NAV3: variants seen among roughly 807,000 people sequenced by gnomAD.
The protein encoded by NAV3 is pore membrane and/or filament interacting like protein 1.
NAV3 carries 87 observed loss-of-function variants against 244.7 expected under a neutral mutation model. The observed-to-expected ratio is 0.36, with a 90% CI of 0.30 to 0.42. NAV3 has a LOEUF of 0.42. Among genes scored for constraint, NAV3 ranks in the 20% least tolerant of loss-of-function variants. The pLI is 1.00. For missense variants in NAV3, 2,663 were observed against 2,893.3 expected (o/e 0.92, Z 1.83); for synonymous variants, 1,126 against 1,042.2 (o/e 1.08, Z -1.55).
At chr12:77,874,876 T>A (rs962364469) in intron 1 of NAV3, among the ~76,000 whole-genome samples, 1 of 151,742 alleles carries the variant, frequency 6.6e-6, no homozygotes, top group Non-Finnish European at 1.5e-5. Flanking sequence ...GTATTTTTTT[T>A]ATAGATTTGT....
rs1025018478 is a variant in NAV3, at chr12:78,190,087, A to G, written c.6159A>G (p.Ile2053Met). The change falls in exon 34 of 40, where the codon ATA (isoleucine) becomes ATG (methionine). Residue 2053 changes from isoleucine (I) to methionine (M), a missense_variant. Ile to Met is a conservative substitution (Grantham distance 10). Transcript: ENST00000397909. ...TGTTGATGGAGCATCACAGAATTAT[A>G]CTCTCAGGACCGAGTGGTACTGGAA... ...FNLLMEHHRI[I>M]LSGPSGTGKT... 4 of 1,612,980 alleles carry G rather than the reference A, an allele frequency of 2.5e-6. No homozygotes were observed. The African/African-American group carries it at 4.0e-5, about 16-fold the overall frequency.
At position 78,096,617 on chromosome 12, in the gene NAV3, C is replaced by G. The variant is rs149133708; in HGVS notation, c.2637-20155C>G. 5.3e-3 allele frequency among the ~76,000 whole-genome samples: 807 copies of G among 152,218 alleles called. 3 individuals carry two copies. Among genetic ancestry groups the G allele is most frequent in the African/African-American group, 0.018 (755 of 41,550 alleles). The stretch of plus-strand genomic sequence containing the variant: ...AGAGAGCATGTGCAGGGGAACTGCT[C>G]TCCATAAAACCATCAGATCTTGTGA... On this transcript the variant is annotated intron_variant, in intron 12 of 39. Coordinates refer to ENST00000397909, the MANE Select transcript of NAV3 (RefSeq NM_001024383.2).
At chr12:77,752,917 T>C (rs913185780) in intron 2 of NAV3, among the ~76,000 whole-genome samples, 2 of 152,194 alleles carry the variant, frequency 1.3e-5, no homozygotes, top group African/African-American at 4.8e-5. Flanking sequence ...GAGCAGGCTT[T>C]GGGCATTCTG....
intron 24 of NAV3, among the ~76,000 whole-genome samples, chr12:78,171,572 G>T (rs972829229): frequency 6.6e-6 from 1 of 151,360 alleles, no homozygotes; most frequent in African/African-American, 2.4e-5. Flanking sequence ...AATATATATA[G>T]GATAGTTAGA....
intron 5 of NAV3, among the ~76,000 whole-genome samples, chr12:77,991,370 A>G (rs1871414395): frequency 1.3e-5 from 2 of 152,152 alleles, no homozygotes; most frequent in Admixed American, 6.5e-5. Flanking sequence ...TCCAATATCT[A>G]TGATAGTATT....
At chr12:77,694,037 C>T (rs1424966697) in intron 2 of NAV3, among the ~76,000 whole-genome samples, 1 of 152,038 alleles carries the variant, frequency 6.6e-6, no homozygotes, top group African/African-American at 2.4e-5. Context: ...ATCCCCTATT[C>T]CATCCTTAAT....
At chr12:78,166,321 A>T (rs555937851) in intron 23 of NAV3, among the ~76,000 whole-genome samples, 1 of 151,840 alleles carries the variant, frequency 6.6e-6, no homozygotes, top group African/African-American at 2.4e-5. Flanking sequence ...AGCAGATCTC[A>T]TTAACTGAAA....
intron 1 of NAV3, among the ~76,000 whole-genome samples, chr12:77,862,926 A>G (rs1400563832): frequency 6.6e-6 from 1 of 150,794 alleles, no homozygotes; most frequent in Non-Finnish European, 1.5e-5. Context: ...TTTTTCACTC[A>G]TCTTGAAAAA....
chr12:77,665,864 C>T (rs1227245894), intron 2 of NAV3, among the ~76,000 whole-genome samples: 1 of 152,120 alleles, frequency 6.6e-6, no homozygotes, highest in Non-Finnish European at 1.5e-5. Flanking sequence ...CCTGGAATCA[C>T]AAAAGAAATG....
At chr12:77,758,452 A>G (rs192060568) in intron 2 of NAV3, among the ~76,000 whole-genome samples, 2 of 152,364 alleles carry the variant, frequency 1.3e-5, no homozygotes, top group Admixed American at 1.3e-4. Context: ...AAGAAAATCA[A>G]CAACATGTTT....
chr12:77,981,943 A>T (rs574075741), intron 5 of NAV3, among the ~76,000 whole-genome samples: 1 of 152,110 alleles, frequency 6.6e-6, no homozygotes, highest in African/African-American at 2.4e-5. Context: ...TGTTTATGTG[A>T]CTCCAAGACT....
At chr12:77,871,829 T>C (rs12306419) in intron 1 of NAV3, among the ~76,000 whole-genome samples, 34,287 of 151,982 alleles carry the variant, frequency 0.23, 4,488 homozygotes, top group South Asian at 0.35. Flanking sequence ...GGTCAAATGG[T>C]ATTTCTGGTT....
chr12:77,855,019 C>T (rs1474162744), intron 1 of NAV3, among the ~76,000 whole-genome samples: 1 of 151,998 alleles, frequency 6.6e-6, no homozygotes, highest in Non-Finnish European at 1.5e-5. Context: ...CCCAGCTACT[C>T]GGGAGGCTGA....
chr12:78,071,058 G>T (rs1225577404), intron 12 of NAV3, among the ~76,000 whole-genome samples: 4 of 151,528 alleles, frequency 2.6e-5, no homozygotes, highest in Admixed American at 2.0e-4. Context: ...AGTCCTTTGG[G>T]TATATACCCA....
chr12:77,814,661 G>A lies in NAV3; in HGVS notation c.73-125658G>A, dbSNP rs144416558. Among the ~76,000 whole-genome samples the A allele has an allele frequency of 1.1e-4, 16 of 152,218 alleles. No homozygotes were observed. In the East Asian group the frequency reaches 1.9e-3, roughly 18 times the overall value. ...GCCTTAATAGCACAGGCCTACTTTC[G>A]TCCTTAATTAGACTGAAATTGCCCA... On this transcript the variant is annotated intron_variant, in intron 2 of 8. Transcript: ENST00000550042.
intron 35 of NAV3, among the ~76,000 whole-genome samples, 160 bp from the exon 36 acceptor site, chr12:78,198,445 C>T (rs1594017652): frequency 1.3e-5 from 2 of 151,842 alleles, no homozygotes; most frequent in South Asian, 2.1e-4. Context: ...AATTTCTAGT[C>T]CAGTGATCTT....
At chr12:77,874,970 A>T (rs186367215) in intron 1 of NAV3, among the ~76,000 whole-genome samples, 2 of 152,286 alleles carry the variant, frequency 1.3e-5, no homozygotes, top group Non-Finnish European at 2.9e-5. Context: ...ACTAATCTAT[A>T]TTTCATTGTA....
intron 2 of NAV3, among the ~76,000 whole-genome samples, chr12:77,786,025 C>A (rs1205246322): frequency 1.3e-5 from 2 of 151,716 alleles, no homozygotes; most frequent in Non-Finnish European, 2.9e-5. Context: ...AGAATTTTGG[C>A]TTGGGGTTTG....
intron 12 of NAV3, among the ~76,000 whole-genome samples, chr12:78,102,149 T>C (rs1343762065): frequency 1.3e-5 from 2 of 152,118 alleles, no homozygotes; most frequent in East Asian, 3.9e-4. Flanking sequence ...GAAAGTCCCT[T>C]CCACTATGAG....
Sources: allele counts gnomAD v4.1 joint callset (sites outside exome capture counted in the v4.1 genomes callset), GRCh38; gene constraint gnomAD v4.1.1; transcripts MANE v1.5; gene names NCBI Gene and HGNC (gene_info 2026-07-23, HGNC 2026-07-21).